Variants in ASXL2 observed in about 807,000 individuals in gnomAD.
ASXL2 encodes ASXL transcriptional regulator 2, also known as putative Polycomb group protein ASXL2.
ASXL2 carries 23 observed loss-of-function variants against 122.0 expected under a neutral mutation model. The observed-to-expected ratio is 0.19, with a 90% CI of 0.14 to 0.27. The LOEUF is 0.27. ASXL2 is among the 10% of genes least tolerant of loss of function. The pLI is 1.00. For synonymous variants in ASXL2, 650 were observed against 637.0 expected (o/e 1.02, Z -0.31); for missense variants, 1,518 against 1,713.8 (o/e 0.89, Z 2.02).
In ASXL2 at chr2:25,792,731, G is replaced by A. The variant is rs192055482; in HGVS notation, c.403+6654C>T. Among the ~76,000 whole-genome samples the A allele has an allele frequency of 4.0e-3, 608 of 151,208 alleles. 2 individuals carry two copies. The highest frequency in any genetic ancestry group is 0.014 in the African/African-American group (582 of 41,266). ...AGTGATTCTCTTGCCTCAGCCTCCCGAGTAGCTGGGATTACAGGTGTGCGC... is the reference window on the plus strand; with the variant it reads ...AGTGATTCTCTTGCCTCAGCCTCCCAAGTAGCTGGGATTACAGGTGTGCGC... On this transcript the variant is annotated intron_variant, in intron 5 of 12. Coordinates refer to ENST00000435504, the MANE Select transcript of ASXL2 (RefSeq NM_018263.6).
intron 1 of ASXL2, among the ~76,000 whole-genome samples, chr2:25,853,419 TTC>T (rs1393243201): frequency 2.0e-5 from 3 of 152,186 alleles, no homozygotes; most frequent in African/African-American, 7.2e-5. Context: ...TCTGTTCAGC[TTC>T]TGTCACACTA....
chr2:25,820,037 G>C (rs561015175), intron 3 of ASXL2, among the ~76,000 whole-genome samples: 1 of 152,170 alleles, frequency 6.6e-6, no homozygotes, highest in East Asian at 1.9e-4. Flanking sequence ...TCCACCTCTA[G>C]AGTAGTTGGG....
chr2:25,805,108 C>T (rs2149173866), intron 4 of ASXL2, among the ~76,000 whole-genome samples: 1 of 152,198 alleles, frequency 6.6e-6, no homozygotes, highest in South Asian at 2.1e-4. Flanking sequence ...AGAATATGGG[C>T]TTGGGAATTC....
At chr2:25,821,394 GAA>G (rs987484502) in intron 3 of ASXL2, among the ~76,000 whole-genome samples, 4 of 137,688 alleles carry the variant, frequency 2.9e-5, no homozygotes, top group African/African-American at 2.7e-5. Context: ...GGAAAGGAGG[GAA>G]AAAAAAAAAG....
At position 25,744,691 on chromosome 2, in the gene ASXL2, C is replaced by T. The variant is rs772402646; in HGVS notation, c.1861-215G>A. 1.5e-4 allele frequency among the ~76,000 whole-genome samples: 23 copies of T among 152,300 alleles called. No homozygotes were observed. Among genetic ancestry groups the T allele is most frequent in the South Asian group, 2.1e-4 (1 of 4,828 alleles). On this transcript the variant is annotated intron_variant, in intron 12 of 12. Coordinates refer to ENST00000435504, the MANE Select transcript of ASXL2 (RefSeq NM_018263.6). The surrounding 1 kb of genome is among the most constrained non-coding windows in gnomAD (Gnocchi z 4.7). ...CCACTTTTTCTATTGGTGCCAAAGACGACTGCTTCCACTCTCACCCCAAAT... is the reference window on the plus strand; with the variant it reads ...CCACTTTTTCTATTGGTGCCAAAGATGACTGCTTCCACTCTCACCCCAAAT...
chr2:25,847,490 A>C (rs985853452), intron 1 of ASXL2, among the ~76,000 whole-genome samples: 2 of 152,216 alleles, frequency 1.3e-5, no homozygotes, highest in African/African-American at 2.4e-5. Context: ...GTTTTGATGA[A>C]GCGGCAGTCT....
intron 1 of ASXL2, among the ~76,000 whole-genome samples, chr2:25,849,679 T>C (rs2089693941): frequency 6.6e-6 from 1 of 152,018 alleles, no homozygotes; most frequent in Admixed American, 6.6e-5. Context: ...TTTTGCCATG[T>C]TGCCCAGGCC....
At chr2:25,828,779 C>T (rs1012757785) in intron 3 of ASXL2, among the ~76,000 whole-genome samples, 6 of 140,036 alleles carry the variant, frequency 4.3e-5, no homozygotes, top group Non-Finnish European at 1.5e-5. Context: ...GAGCTGAGAT[C>T]GCACCATTGC....
Position 25,741,620 on chromosome 2 carries a change from C to A in ASXL2, c.*409G>T. On this transcript the variant is annotated 3_prime_UTR_variant, in exon 13 of 13. Transcript: ENST00000435504. ...AGACCATTCCTTCACTTTCCTTTTC[C>A]TAGCTTCCTAGGAAATGTCAGAAGG... is the stretch of plus-strand genomic sequence containing the variant. 1 of 251,030 alleles carries A rather than the reference C, an allele frequency of 4.0e-6. No individual in the cohort carries two copies. The highest frequency in any genetic ancestry group is 7.8e-6 in the Non-Finnish European group (1 of 127,428). The allele number at this position is 251,030 out of a possible 1,614,324, so 15.6% of individuals were successfully genotyped here. A position where few individuals can be genotyped will look rare whatever the true frequency, so the allele number is the denominator to read the frequency against.
At chr2:25,864,714 C>CATTTTACATTTTTACATTTTATATGTA (rs1559532143) in intron 1 of ASXL2, among the ~76,000 whole-genome samples, 1 of 151,732 alleles carries the variant, frequency 6.6e-6, no homozygotes. Context: ...GGTTAAGTTA[C>CATTTTACATTTTTACATTTTATATGTA]AACATTTTAC....
Position 25,798,416 on chromosome 2 carries a change from G to T in ASXL2, c.403+969C>A, listed in dbSNP as rs112656477. Among the ~76,000 whole-genome samples the T allele has an allele frequency of 7.8e-4, 119 of 152,232 alleles. 2 individuals carry two copies. The highest frequency in any genetic ancestry group is 4.6e-4 in the African/African-American group (19 of 41,528). On this transcript the variant is annotated intron_variant, in intron 5 of 12. Transcript: ENST00000435504. Reference sequence around the variant, plus strand: ...ACTTAAGGAAAGCCAATCTGAAAAGGTTCCAACTATATGACATTTTGGAAA... The same window carrying T: ...ACTTAAGGAAAGCCAATCTGAAAAGTTTCCAACTATATGACATTTTGGAAA...
intron 4 of ASXL2, among the ~76,000 whole-genome samples, chr2:25,801,434 C>G (rs2088995066): frequency 6.6e-6 from 1 of 152,234 alleles, no homozygotes; most frequent in African/African-American, 2.4e-5. Context: ...AGGTATTTTT[C>G]ATTTAAATTT....
chr2:25,808,751 G>GTCTTTCTCC (rs1445529033), intron 3 of ASXL2, among the ~76,000 whole-genome samples: 1 of 152,150 alleles, frequency 6.6e-6, no homozygotes, highest in Non-Finnish European at 1.5e-5. Flanking sequence ...CAAAAGAGTT[G>GTCTTTCTCC]CACTATTGAT....
At chr2:25,781,059 C>CAAA (rs56394505) in intron 5 of ASXL2, among the ~76,000 whole-genome samples, 2,510 of 109,830 alleles carry the variant, frequency 0.023, 34 homozygotes, top group Non-Finnish European at 0.033. Flanking sequence ...ACTCCATCTC[C>CAAA]AAAAAAAAAA....
In ASXL2 at chr2:25,741,960, G is replaced by A; in HGVS notation, c.*69C>T. ...TTGTTTATTTCTGTGATTCCAAAAG[G>A]ACGCAAAAAACCCAACTGGTCAACC... On this transcript the variant is annotated 3_prime_UTR_variant, in exon 13 of 13. Coordinates refer to ENST00000435504, the MANE Select transcript of ASXL2 (RefSeq NM_018263.6). The A allele has an allele frequency of 6.9e-7, 1 of 1,442,194 alleles. No individual in the cohort carries two copies. Among genetic ancestry groups the A allele is most frequent in the South Asian group, 1.3e-5 (1 of 74,602 alleles). 89.3% of individuals were successfully genotyped at this position (1,442,194 alleles called of 1,614,324 possible).
In ASXL2 at chr2:25,742,694, G is replaced by A. The variant is rs762832344; in HGVS notation, c.3643C>T (p.His1215Tyr). 9 of 1,613,844 alleles carry A rather than the reference G, an allele frequency of 5.6e-6. No homozygotes were observed. The highest frequency in any genetic ancestry group is 7.6e-6 in the Non-Finnish European group (9 of 1,179,888). ...AGKGDTSSGP[H>Y]SRETLSTSDC... ...CTGGTAGATAGAGTTTCCCTGCTGT[G>A]AGGTCCTGAACTTGTGTCACCCTTG... Residue 1215 changes from histidine to tyrosine, a missense_variant, in exon 13 of 13, where the codon CAC (histidine) becomes TAC (tyrosine). This residue lies in a region of ASXL2 where 831 missense variants were observed against 833.1 expected (regional missense o/e 1.00). Coordinates refer to ENST00000435504, the MANE Select transcript of ASXL2 (RefSeq NM_018263.6).
chr2:25,756,450 T>A (rs1233496001), intron 9 of ASXL2, among the ~76,000 whole-genome samples: 1 of 52,304 alleles, frequency 1.9e-5, no homozygotes, highest in Non-Finnish European at 3.9e-5. Flanking sequence ...ATTCAGATAA[T>A]GACAAAAAAA....
Position 25,811,813 on chromosome 2 carries a change from G to C in ASXL2, c.144-5476C>G, listed in dbSNP as rs1236056339. The stretch of plus-strand genomic sequence containing the variant: ...GTCAGCAAGGCTGGAGTACAGTGGT[G>C]CGATCTTGGCTTACTGTAACCTCTG... On this transcript the variant is annotated intron_variant, in intron 3 of 12. Coordinates refer to ENST00000435504, the MANE Select transcript of ASXL2 (RefSeq NM_018263.6). Among the ~76,000 whole-genome samples the C allele has an allele frequency of 2.6e-5, 4 of 152,236 alleles. No individual in the cohort carries two copies. The East Asian group carries it at 7.7e-4, about 29-fold the overall frequency.
intron 4 of ASXL2, among the ~76,000 whole-genome samples, chr2:25,804,787 C>T (rs552195832): frequency 1.4e-4 from 21 of 152,288 alleles, no homozygotes; most frequent in Non-Finnish European, 2.2e-4. Flanking sequence ...CGGTGGCTCA[C>T]GCCTGTAATC....
Sources: gnomAD v4.1 joint callset for allele counts (sites outside exome capture counted in the v4.1 genomes callset) on GRCh38, gnomAD v4.1.1 for gene constraint, gnomAD v4.1.1 regional missense constraint, Gnocchi (gnomAD v3.1) non-coding constraint, MANE v1.5 for transcripts, NCBI Gene and HGNC (gene_info 2026-07-23, HGNC 2026-07-21) for gene names.